Variants in PLEKHH2 observed in about 807,000 individuals in gnomAD.
PLEKHH2 encodes the protein pleckstrin homology domain-containing family H member 2.
A neutral mutation model predicts 187.9 loss-of-function variants in PLEKHH2; 129 were observed. The ratio of observed to expected loss-of-function variants is 0.69; its 90% CI spans 0.59 to 0.79. PLEKHH2 has a LOEUF of 0.79. PLEKHH2 is among the 30% of genes least tolerant of loss of function. The pLI is 0.00. For synonymous variants in PLEKHH2, 686 were observed against 605.6 expected (o/e 1.13, Z -1.95); for missense variants, 2,076 against 1,751.2 (o/e 1.19, Z -3.31).
In PLEKHH2 at chr2:43,728,426, C is replaced by T. The variant is rs192569522; in HGVS notation, c.2722-1211C>T. ...CCTGGAGGCAGAGGTTGCAGTGAAT[C>T]GAGATCGCGCCATTGCACTCCAGCC... On this transcript the variant is annotated intron_variant, in intron 17 of 29. Coordinates refer to ENST00000282406, the MANE Select transcript of PLEKHH2 (RefSeq NM_172069.4). Among the ~76,000 whole-genome samples, 770 of 138,986 alleles carry T rather than the reference C, an allele frequency of 5.5e-3. 9 individuals are homozygous for T. The highest frequency in any genetic ancestry group is 0.02 in the African/African-American group (726 of 37,044). The allele number at this position is 138,986 out of a possible 152,430, so 91.2% of individuals were successfully genotyped here. A position where few individuals can be genotyped will look rare whatever the true frequency, so the allele number is the denominator to read the frequency against.
chr2:43,738,305 C>T, intron 19 of PLEKHH2, 36 bp from the exon 20 acceptor site: 1 of 1,537,686 alleles, frequency 6.5e-7, no homozygotes, highest in South Asian at 1.2e-5. Context: ...TCTAATCACT[C>T]CTCACCTTGA....
At chr2:43,736,690 G>A (rs1456254787) in intron 19 of PLEKHH2, among the ~76,000 whole-genome samples, 2 of 151,992 alleles carry the variant, frequency 1.3e-5, no homozygotes, top group South Asian at 2.1e-4. Flanking sequence ...AAAAATTAGC[G>A]AGTTGTGGTG....
intron 2 of PLEKHH2, among the ~76,000 whole-genome samples, chr2:43,668,601 T>A (rs1667337918): frequency 6.6e-6 from 1 of 152,232 alleles, no homozygotes. Context: ...ATAACATTTT[T>A]AAATAATTGC....
chr2:43,644,300 G>A (rs1453770522), intron 1 of PLEKHH2, among the ~76,000 whole-genome samples: 3 of 152,104 alleles, frequency 2.0e-5, no homozygotes, highest in Admixed American at 1.3e-4. Flanking sequence ...TTTGTGTGGT[G>A]TTGTTATACT....
chr2:43,676,456 C>G (rs1359688982), intron 2 of PLEKHH2: 3 of 658,270 alleles, frequency 4.6e-6, no homozygotes, highest in African/African-American at 3.7e-5. Flanking sequence ...TTCTCGGTGG[C>G]GTAGAGAAGG....
chr2:43,723,072 T>C (rs1192267370), intron 16 of PLEKHH2, among the ~76,000 whole-genome samples: 3 of 152,228 alleles, frequency 2.0e-5, no homozygotes, highest in African/African-American at 7.2e-5. Flanking sequence ...GTAAAATGAA[T>C]AACCATCTTT....
intron 5 of PLEKHH2, 48 bp downstream of exon 5, chr2:43,694,562 G>T: frequency 6.8e-7 from 1 of 1,475,260 alleles, no homozygotes; most frequent in South Asian, 1.3e-5. Flanking sequence ...TACTTCTTTT[G>T]AATTGATACA....
In PLEKHH2 at chr2:43,761,813, C is replaced by G. The variant is rs369415403; in HGVS notation, c.4072-491C>G. 1.1e-4 allele frequency among the ~76,000 whole-genome samples: 17 copies of G among 152,192 alleles called. No homozygotes were observed. The South Asian group carries it at 3.3e-3, about 30-fold the overall frequency. On this transcript the variant is annotated intron_variant, in intron 27 of 29. Coordinates refer to ENST00000282406, the MANE Select transcript of PLEKHH2 (RefSeq NM_172069.4). ...TTTTCTTGTTATTGTGTTTTTATTA[C>G]ACATTGAATATCAGATTTAATAAAC...
chr2:43,758,082 G>A (rs537399598), intron 26 of PLEKHH2, among the ~76,000 whole-genome samples: 1 of 152,274 alleles, frequency 6.6e-6, no homozygotes, highest in South Asian at 2.1e-4. Context: ...AATTTATCGT[G>A]AGCTTTTCCA....
At chr2:43,760,994 A>T (rs962122817) in intron 27 of PLEKHH2, among the ~76,000 whole-genome samples, 7 of 152,164 alleles carry the variant, frequency 4.6e-5, no homozygotes, top group Non-Finnish European at 8.8e-5. Flanking sequence ...GCAGAATAAC[A>T]TTCCACTGTA....
At chr2:43,747,031 A>G (rs1264922166) in intron 24 of PLEKHH2, among the ~76,000 whole-genome samples, 1 of 150,356 alleles carries the variant, frequency 6.7e-6, no homozygotes, top group Non-Finnish European at 1.5e-5. Flanking sequence ...GAAGTCATAT[A>G]TTCTTTATAC....
intron 25 of PLEKHH2, among the ~76,000 whole-genome samples, chr2:43,754,982 C>G (rs912465650): frequency 6.6e-6 from 1 of 150,736 alleles, no homozygotes; most frequent in African/African-American, 2.5e-5. Flanking sequence ...AAGCGATTCT[C>G]CTGCCTCAGC....
intron 17 of PLEKHH2, among the ~76,000 whole-genome samples, chr2:43,728,329 A>G (rs1213539529): frequency 6.6e-6 from 1 of 151,576 alleles, no homozygotes; most frequent in Non-Finnish European, 1.5e-5. Context: ...AAATACAAAA[A>G]GTAGCTGGAC....
chr2:43,745,270 C>T (rs977142196), intron 23 of PLEKHH2, among the ~76,000 whole-genome samples: 3 of 152,086 alleles, frequency 2.0e-5, no homozygotes, highest in Non-Finnish European at 4.4e-5. Flanking sequence ...GAGCTGAGAT[C>T]GTGCCACTGT....
intron 2 of PLEKHH2, among the ~76,000 whole-genome samples, chr2:43,671,210 C>T (rs1243404843): frequency 6.6e-6 from 1 of 152,112 alleles, no homozygotes; most frequent in Non-Finnish European, 1.5e-5. Flanking sequence ...TGGTCTAGAA[C>T]TCCTGACCTC....
Position 43,697,275 on chromosome 2 carries a change from C to A in PLEKHH2, c.607C>A (p.Pro203Thr), listed in dbSNP as rs1669139117. The change falls in exon 7 of 30, where the codon CCT becomes ACT. Residue 203 changes from proline (P) to threonine (T), a missense_variant. Physicochemically the swap from Pro to Thr is conservative, Grantham distance 38. Coordinates refer to ENST00000282406, the MANE Select transcript of PLEKHH2 (RefSeq NM_172069.4). ...FGCFLSRARSPPQVVKSEEMS... is the reference protein window; with the variant it reads ...FGCFLSRARSTPQVVKSEEMS... ...GTGCTTTTTATCTCGAGCAAGGAGT[C>A]CTCCTCAAGTAGTAAAATCTGAGGA... is the stretch of plus-strand genomic sequence containing the variant. 2 of 1,613,674 alleles carry A rather than the reference C, an allele frequency of 1.2e-6. No homozygotes were observed.
chr2:43,671,283 G>C (rs992124665), intron 2 of PLEKHH2, among the ~76,000 whole-genome samples: 1 of 151,890 alleles, frequency 6.6e-6, no homozygotes, highest in African/African-American at 2.4e-5. Context: ...CACCACACCT[G>C]GCCATTTATT....
intron 15 of PLEKHH2, among the ~76,000 whole-genome samples, chr2:43,718,203 G>C (rs575936806): frequency 6.6e-6 from 1 of 152,272 alleles, no homozygotes; most frequent in East Asian, 1.9e-4. Context: ...GATTCTTCCA[G>C]TATAATTTGT....
chr2:43,733,298 G>T (rs1398717981), intron 19 of PLEKHH2, among the ~76,000 whole-genome samples: 3 of 151,396 alleles, frequency 2.0e-5, no homozygotes, highest in African/African-American at 7.3e-5. Context: ...AGGAAATGGA[G>T]GTTGCACTGA....
Sources: gnomAD v4.1 joint callset for allele counts (sites outside exome capture counted in the v4.1 genomes callset) on GRCh38, gnomAD v4.1.1 for gene constraint, MANE v1.5 for transcripts, NCBI Gene and HGNC (gene_info 2026-07-23, HGNC 2026-07-21) for gene names.